Variants in GPC5 observed in about 807,000 individuals in gnomAD.
The protein encoded by GPC5 is glypican 5, also known as glypican-5.
GPC5 carries 47 observed loss-of-function variants against 53.9 expected under a neutral mutation model. The ratio of observed to expected loss-of-function variants is 0.87; its 90% confidence interval spans 0.69 to 1.11. The LOEUF (loss-of-function observed/expected upper bound fraction) is 1.11, where lower values mean the gene tolerates loss of function less well. GPC5 is among the 50% of genes most tolerant of loss of function. GPC5 has a pLI of 0.00. For synonymous variants in GPC5, 286 were observed against 263.3 expected, an observed-to-expected ratio of 1.09 and a Z score of -0.84; for missense variants, 748 against 713.1, an observed-to-expected ratio of 1.05 and a Z score of -0.56.
chr13:92,170,780 A>G (rs909828283), intron 7 of GPC5, among the ~76,000 whole-genome samples: 2 of 152,074 alleles, frequency 1.3e-5, no homozygotes, highest in African/African-American at 2.4e-5. Flanking sequence ...AAAACTTCGC[A>G]TGTTCACAGT....
chr13:91,882,412 A>T (rs555456945), intron 5 of GPC5, among the ~76,000 whole-genome samples: 1 of 152,128 alleles, frequency 6.6e-6, no homozygotes, highest in East Asian at 1.9e-4. Flanking sequence ...ATTAAATGTG[A>T]CATTCATTTA....
intron 7 of GPC5, among the ~76,000 whole-genome samples, chr13:92,272,674 CA>C (rs1482607677): frequency 4.6e-5 from 7 of 152,018 alleles, no homozygotes; most frequent in African/African-American, 1.7e-4. Context: ...TGATCAAAGC[CA>C]AAAATTGATG....
At chr13:92,168,267 C>A (rs1380338882) in intron 7 of GPC5, among the ~76,000 whole-genome samples, 1 of 152,144 alleles carries the variant, frequency 6.6e-6, no homozygotes, top group African/African-American at 2.4e-5. Context: ...CCTTTCAGGA[C>A]ATAGGCACTG....
In GPC5 at chr13:91,743,358, G is replaced by T. The variant is rs183518257; in HGVS notation, c.1155-12937G>T. 8.0e-4 allele frequency among the ~76,000 whole-genome samples: 122 copies of T among 152,166 alleles called. 1 individual carries two copies. The highest frequency in any genetic ancestry group is 2.8e-3 in the African/African-American group (116 of 41,520). On this transcript the variant is annotated intron_variant, in intron 4 of 7. Transcript: ENST00000377067. ...TTTCAGAATTTTTGGCAGAATCTGTGGGGGCATAATTTAAGATAATTGAAG... is the reference window on the plus strand; with the variant it reads ...TTTCAGAATTTTTGGCAGAATCTGTTGGGGCATAATTTAAGATAATTGAAG...
intron 7 of GPC5, among the ~76,000 whole-genome samples, chr13:92,371,416 A>G (rs1320007582): frequency 2.0e-5 from 3 of 152,164 alleles, no homozygotes; most frequent in Non-Finnish European, 4.4e-5. Context: ...GTGTAATCAT[A>G]TGGGCTTGTA....
chr13:92,140,748 G>A (rs1263092665), intron 6 of GPC5, among the ~76,000 whole-genome samples: 2 of 152,158 alleles, frequency 1.3e-5, no homozygotes, highest in Non-Finnish European at 2.9e-5. Flanking sequence ...GAGACTAATG[G>A]CCCCTGTAAT....
intron 2 of GPC5, among the ~76,000 whole-genome samples, chr13:91,555,479 A>T (rs1057372835): frequency 2.6e-5 from 4 of 151,968 alleles, no homozygotes; most frequent in Non-Finnish European, 5.9e-5. Context: ...GAGTACAGAG[A>T]TCCACCATTT....
chr13:92,783,358 T>C (rs937505728), intron 7 of GPC5, among the ~76,000 whole-genome samples: 1 of 152,142 alleles, frequency 6.6e-6, no homozygotes, highest in Non-Finnish European at 1.5e-5. Flanking sequence ...ATTGACTGAC[T>C]GGATTAAATG....
chr13:92,684,721 G>A (rs1367205637), intron 7 of GPC5, among the ~76,000 whole-genome samples: 1 of 152,070 alleles, frequency 6.6e-6, no homozygotes, highest in African/African-American at 2.4e-5. Context: ...CATGTTTTGT[G>A]GGGCATAAGT....
intron 2 of GPC5, among the ~76,000 whole-genome samples, chr13:91,589,701 T>A (rs1392180104): frequency 1.3e-5 from 2 of 152,170 alleles, no homozygotes; most frequent in African/African-American, 4.8e-5. Context: ...ATCTTAGATT[T>A]ACTCAAGTTT....
At chr13:92,559,334 G>A (rs953529140) in intron 7 of GPC5, among the ~76,000 whole-genome samples, 1 of 109,884 alleles carries the variant, frequency 9.1e-6, no homozygotes, top group Admixed American at 8.0e-5. Flanking sequence ...GTGTATATGT[G>A]TGTGTGTGTG....
At chr13:92,663,808 T>TATAC (rs1333690435) in intron 7 of GPC5, among the ~76,000 whole-genome samples, 1 of 131,072 alleles carries the variant, frequency 7.6e-6, no homozygotes, top group Non-Finnish European at 1.6e-5. Context: ...ACTATATATA[T>TATAC]ACACACTATA....
chr13:92,343,276 C>T (rs1192767678), intron 7 of GPC5, among the ~76,000 whole-genome samples: 1 of 152,102 alleles, frequency 6.6e-6, no homozygotes, highest in Non-Finnish European at 1.5e-5. Context: ...CCCAGGAGGC[C>T]AGCAGGGCAG....
In GPC5 at chr13:91,942,357, C is replaced by A. The variant is rs150559488; in HGVS notation, c.1401+34300C>A. On this transcript the variant is annotated intron_variant, in intron 6 of 7. Transcript: ENST00000377067. ...TGTTACAGTCATTTTATCATTCAAG[C>A]TGGTGCATACAGTCCATCAAGTCTC... Among the ~76,000 whole-genome samples the A allele has an allele frequency of 4.2e-3, 636 of 152,094 alleles. 4 individuals are homozygous for A. Among genetic ancestry groups the A allele is most frequent in the Middle Eastern group, 0.024 (7 of 294 alleles).
intron 2 of GPC5, among the ~76,000 whole-genome samples, chr13:91,494,670 A>G (rs1013799403): frequency 6.6e-6 from 1 of 152,134 alleles, no homozygotes; most frequent in Admixed American, 6.5e-5. Flanking sequence ...TTCTGTCTTC[A>G]TCTTAATAGA....
intron 2 of GPC5, among the ~76,000 whole-genome samples, chr13:91,617,238 G>A (rs2033720891): frequency 6.6e-6 from 1 of 152,174 alleles, no homozygotes. Context: ...TTGGCTCAAT[G>A]TGGCTATGTA....
At chr13:92,170,162 T>TA (rs936159440) in intron 7 of GPC5, among the ~76,000 whole-genome samples, 45 of 151,476 alleles carry the variant, frequency 3.0e-4, no homozygotes, top group Admixed American at 2.1e-3. Context: ...TGGAGAACTT[T>TA]AAAAAAAACC....
At chr13:92,807,429 T>C (rs1877137607) in intron 7 of GPC5, among the ~76,000 whole-genome samples, 1 of 152,074 alleles carries the variant, frequency 6.6e-6, no homozygotes, top group African/African-American at 2.4e-5. Flanking sequence ...TGAGGTAGAT[T>C]ATCAAAATCA....
chr13:91,650,447 A>G (rs58166883), intron 2 of GPC5, among the ~76,000 whole-genome samples: 1 of 151,806 alleles, frequency 6.6e-6, no homozygotes, highest in Non-Finnish European at 1.5e-5. Context: ...CCTTTATTTT[A>G]TCTTTACTGT....
Sources: gnomAD v4.1 joint callset for allele counts (sites outside exome capture counted in the v4.1 genomes callset) on GRCh38, gnomAD v4.1.1 for gene constraint, MANE v1.5 for transcripts, NCBI Gene and HGNC (gene_info 2026-07-23, HGNC 2026-07-21) for gene names.